The following ERBB4 variants were observed in gnomAD, a reference collection of about 807,000 sequenced individuals.
ERBB4 encodes receptor tyrosine-protein kinase erbB-4.
Under a neutral mutation model 158.0 loss-of-function variants are expected in ERBB4, and 42 were observed. That is an observed-to-expected ratio of 0.27 (90% CI 0.21 to 0.34). The LOEUF is 0.34. Among genes scored for constraint, ERBB4 ranks in the 10% least tolerant of loss-of-function variants. The probability of loss-of-function intolerance (pLI) is 1.00; values close to 1 mark genes in which losing one functional copy is unlikely to be tolerated. For missense variants in ERBB4, 1,333 were observed against 1,624.1 expected, an observed-to-expected ratio of 0.82 and a Z score of 3.08; for synonymous variants, 583 against 558.7, an observed-to-expected ratio of 1.04 and a Z score of -0.61.
At chr2:212,065,276 G>A (rs2077909279) in intron 2 of ERBB4, among the ~76,000 whole-genome samples, 1 of 151,934 alleles carries the variant, frequency 6.6e-6, no homozygotes, top group Non-Finnish European at 1.5e-5. Flanking sequence ...TAAATTTGGT[G>A]AAAGAATGTT....
chr2:212,362,789 C>T (rs1373144210), intron 1 of ERBB4, among the ~76,000 whole-genome samples: 3 of 151,038 alleles, frequency 2.0e-5, no homozygotes, highest in African/African-American at 7.3e-5. Flanking sequence ...AACACATATA[C>T]AATTGTATAC....
At chr2:211,895,255 T>G (rs1163157473) in intron 3 of ERBB4, among the ~76,000 whole-genome samples, 1 of 152,094 alleles carries the variant, frequency 6.6e-6, no homozygotes, top group Non-Finnish European at 1.5e-5. Flanking sequence ...AATGGTCCCC[T>G]TATCTTTTTT....
intron 2 of ERBB4, among the ~76,000 whole-genome samples, chr2:212,084,899 A>G (rs1204701271): frequency 6.6e-6 from 1 of 151,990 alleles, no homozygotes; most frequent in Non-Finnish European, 1.5e-5. Context: ...TGGGATCATG[A>G]AGTCCTAAAT....
intron 1 of ERBB4, among the ~76,000 whole-genome samples, chr2:212,182,664 C>T (rs902475693): frequency 2.0e-5 from 3 of 151,908 alleles, no homozygotes; most frequent in Non-Finnish European, 4.4e-5. Flanking sequence ...CACCCGACTC[C>T]ACCTTCAATA....
chr2:211,622,654 C>T (rs2069648285), intron 18 of ERBB4, among the ~76,000 whole-genome samples: 1 of 151,838 alleles, frequency 6.6e-6, no homozygotes, highest in Non-Finnish European at 1.5e-5. Flanking sequence ...TGTAGGCTTA[C>T]ACATAGCTTT....
intron 3 of ERBB4, among the ~76,000 whole-genome samples, chr2:211,938,197 C>T (rs2080382214): frequency 6.6e-6 from 1 of 152,134 alleles, no homozygotes; most frequent in Non-Finnish European, 1.5e-5. Flanking sequence ...TCCAGAACTG[C>T]ATTTAATGTT....
chr2:211,641,559 T>C (rs911862839), intron 16 of ERBB4, among the ~76,000 whole-genome samples: 3 of 152,122 alleles, frequency 2.0e-5, no homozygotes, highest in Non-Finnish European at 4.4e-5. Flanking sequence ...ATTTGGAGAA[T>C]TTAAAATTTG....
At chr2:212,529,948 T>G (rs912209591) in intron 1 of ERBB4, among the ~76,000 whole-genome samples, 8 of 152,214 alleles carry the variant, frequency 5.3e-5, no homozygotes, top group Non-Finnish European at 1.2e-4. Flanking sequence ...AGATATTGAC[T>G]AGGTCAGTCT....
At chr2:212,462,818 C>T (rs1244861284) in intron 1 of ERBB4, among the ~76,000 whole-genome samples, 1 of 152,024 alleles carries the variant, frequency 6.6e-6, no homozygotes, top group Admixed American at 6.6e-5. Flanking sequence ...TTTATTGCAG[C>T]ATTATTCACA....
At chr2:212,528,007 G>C (rs1326460304) in intron 1 of ERBB4, among the ~76,000 whole-genome samples, 1 of 151,684 alleles carries the variant, frequency 6.6e-6, no homozygotes, top group Non-Finnish European at 1.5e-5. Flanking sequence ...TCCAAATCTT[G>C]CATACGCCCC....
intron 3 of ERBB4, among the ~76,000 whole-genome samples, chr2:211,790,740 T>G (rs1404075236): frequency 6.6e-6 from 1 of 152,038 alleles, no homozygotes; most frequent in Non-Finnish European, 1.5e-5. Context: ...GATTTATAAA[T>G]GTTTAGCAAT....
intron 2 of ERBB4, among the ~76,000 whole-genome samples, chr2:211,951,172 AG>A (rs2080864741): frequency 6.6e-6 from 1 of 152,190 alleles, no homozygotes; most frequent in East Asian, 1.9e-4. Flanking sequence ...CCACTCAGGA[AG>A]TGACTCTTCT....
At chr2:212,538,014 G>A (rs1693197594) in intron 1 of ERBB4, among the ~76,000 whole-genome samples, 1 of 152,152 alleles carries the variant, frequency 6.6e-6, no homozygotes, top group Non-Finnish European at 1.5e-5. Context: ...CGCCCTTCGG[G>A]CTCGGCTCGG....
chr2:212,114,908 A>G (rs1223629196), intron 2 of ERBB4, among the ~76,000 whole-genome samples: 1 of 152,200 alleles, frequency 6.6e-6, no homozygotes, highest in Non-Finnish European at 1.5e-5. Flanking sequence ...AGAAAGGAAG[A>G]AGCCTAATAG....
At chr2:212,089,181 A>G (rs944693269) in intron 2 of ERBB4, among the ~76,000 whole-genome samples, 3 of 152,160 alleles carry the variant, frequency 2.0e-5, no homozygotes, top group Admixed American at 6.6e-5. Flanking sequence ...TATCAATTAA[A>G]ATAGCTTTAT....
intron 2 of ERBB4, among the ~76,000 whole-genome samples, chr2:212,010,340 T>C (rs892575849): frequency 3.9e-5 from 6 of 152,198 alleles, no homozygotes; most frequent in Admixed American, 2.0e-4. Flanking sequence ...GTGTGTATAT[T>C]TGCAGGAAAA....
intron 2 of ERBB4, among the ~76,000 whole-genome samples, chr2:212,063,701 A>G (rs2077851119): frequency 6.6e-6 from 1 of 152,194 alleles, no homozygotes; most frequent in Admixed American, 6.5e-5. Flanking sequence ...AAACCTAATA[A>G]AATCAACGAA....
At chr2:211,767,375 TA>T (rs1296732118) in intron 4 of ERBB4, among the ~76,000 whole-genome samples, 1 of 152,204 alleles carries the variant, frequency 6.6e-6, no homozygotes, top group Non-Finnish European at 1.5e-5. Context: ...GGTTTTATGT[TA>T]AAAAATCAAT....
In ERBB4 at chr2:211,551,407, AGG is replaced by A. The variant is rs2067092929; in HGVS notation, c.2487+10494_2487+10495del. On this transcript the variant is annotated intron_variant, in intron 20 of 27. Transcript: ENST00000342788. ...GATTTTAAGGGTGTATTGTCATTAA[AGG>A]GAGTTTAGCTATGCCACTAATACTG... is the stretch of plus-strand genomic sequence containing the variant. 3.3e-5 allele frequency among the ~76,000 whole-genome samples: 5 copies of A among 152,308 alleles called. No individual in the cohort carries two copies. In the South Asian group the frequency reaches 1.0e-3, roughly 32 times the overall value.
Sources: gnomAD v4.1 joint callset for allele counts (sites outside exome capture counted in the v4.1 genomes callset) on GRCh38, gnomAD v4.1.1 for gene constraint, MANE v1.5 for transcripts, NCBI Gene and HGNC (gene_info 2026-07-23, HGNC 2026-07-21) for gene names.